OTOG: variants seen among roughly 807,000 people sequenced by gnomAD.
The protein encoded by OTOG is otogelin.
In OTOG, 296 loss-of-function variants were observed where a neutral mutation model predicts 313.8. The ratio of observed to expected loss-of-function variants is 0.94; its 90% confidence interval spans 0.86 to 1.04. OTOG has a LOEUF of 1.04. Ranked by LOEUF, OTOG falls within the 50% of genes least tolerant of loss-of-function variation. OTOG has a pLI of 0.00. For synonymous variants in OTOG, 1,533 were observed against 1,554.9 expected (o/e 0.99, Z 0.33); for missense variants, 3,948 against 3,840.1 (o/e 1.03, Z -0.74).
intron 38 of OTOG, 51 bp from the exon 39 acceptor site, chr11:17,613,561 G>A (rs1853649905): frequency 6.9e-7 from 1 of 1,439,342 alleles, no homozygotes; most frequent in Admixed American, 2.0e-5. Flanking sequence ...TCACTTGGAG[G>A]GGGACAGAGG....
chr11:17,551,282 A>AGATGACTTATGGT (rs1462941058), intron 3 of OTOG, among the ~76,000 whole-genome samples: 114 of 152,306 alleles, frequency 7.5e-4, no homozygotes, highest in South Asian at 2.1e-4. Flanking sequence ...TGTATAAGTC[A>AGATGACTTATGGT]TCTAGTCCTG....
intron 39 of OTOG, among the ~76,000 whole-genome samples, chr11:17,628,728 T>C (rs1854044066): frequency 1.3e-5 from 2 of 152,092 alleles, no homozygotes; most frequent in South Asian, 4.2e-4. Flanking sequence ...GCCCCAAGGC[T>C]GGGAATTTAG....
At chr11:17,588,563 T>C (rs1255135194) in intron 24 of OTOG, among the ~76,000 whole-genome samples, 1 of 152,132 alleles carries the variant, frequency 6.6e-6, no homozygotes. Context: ...GTGGAGTCAG[T>C]GCATGACTGA....
intron 3 of OTOG, among the ~76,000 whole-genome samples, chr11:17,551,666 G>A (rs899410373): frequency 2.0e-5 from 3 of 152,152 alleles, no homozygotes; most frequent in Non-Finnish European, 4.4e-5. Flanking sequence ...GGACATAAGG[G>A]TTTACTGGGA....
At position 17,558,640 on chromosome 11, in the gene OTOG, T is replaced by G; in HGVS notation, c.1099T>G (p.Cys367Gly). The G allele has an allele frequency of 6.5e-7, 1 of 1,549,384 alleles. No individual in the cohort carries two copies. Among genetic ancestry groups the G allele is most frequent in the Non-Finnish European group, 8.7e-7 (1 of 1,146,812 alleles). Residue 367 changes from cysteine (C) to glycine (G), a missense_variant, in exon 10 of 56, where the codon TGC becomes GGC. Transcript: ENST00000399397. ...PFTASCTSDL[C>G]QSMGDVATWC... is the part of the protein sequence containing the mutation. ...CACAGCCAGTTGTACCAGTGATCTC[T>G]GCCAGTGAGTAGGGGTGGTGTGGGC...
At position 17,633,890 on chromosome 11, in the gene OTOG, C is replaced by T; in HGVS notation, c.7267+16C>T. The T allele has an allele frequency of 6.6e-7, 1 of 1,515,700 alleles. No homozygotes were observed. Among genetic ancestry groups the T allele is most frequent in the African/African-American group, 1.4e-5 (1 of 72,602 alleles). 93.9% of individuals were successfully genotyped at this position (1,515,700 alleles called of 1,614,324 possible). Reference sequence around the variant, plus strand: ...GCCAAGTGCGGTAGGTTCCTCCCCTCCCTGAGTGGGGGGCCTCCAAAGCCA... The same window carrying T: ...GCCAAGTGCGGTAGGTTCCTCCCCTTCCTGAGTGGGGGGCCTCCAAAGCCA... On this transcript the variant is annotated intron_variant, in intron 43 of 55. Transcript: ENST00000399397.
chr11:17,615,869 G>C (rs553477592), intron 39 of OTOG, among the ~76,000 whole-genome samples: 24 of 152,154 alleles, frequency 1.6e-4, no homozygotes, highest in Middle Eastern at 3.4e-3. Flanking sequence ...CGGAGGTTGC[G>C]GTGAGCTGAG....
intron 32 of OTOG, 53 bp from the exon 33 acceptor site, chr11:17,605,804 G>A (rs1042864046): frequency 1.2e-5 from 18 of 1,479,272 alleles, no homozygotes; most frequent in East Asian, 7.5e-5. Context: ...TGCTGTTCCC[G>A]CAGCCACCTG....
rs139211526 is a variant in OTOG at position 17,612,139 on chromosome 11, C to T, written c.6124-23C>T. On this transcript the variant is annotated intron_variant, in intron 36 of 55. Transcript: ENST00000399397. ...GCTGTAGCTCCTTGATGGTCACTCA[C>T]ACTTCCTCCACTCTGTACCCAGCCA... The T allele has an allele frequency of 2.6e-4, 401 of 1,548,552 alleles. 3 individuals carry two copies. The East Asian group carries it at 8.3e-3, about 32-fold the overall frequency.
At position 17,633,849 on chromosome 11, in the gene OTOG, A is replaced by G. The variant is rs1854192952; in HGVS notation, c.7242A>G (p.Ala2414=). Residue 2414 remains alanine (A), a synonymous_variant, in exon 43 of 56, where the codon GCA becomes GCG. Coordinates refer to ENST00000399397, the MANE Select transcript of OTOG (RefSeq NM_001292063.2). ...EGTILHRRHS[A]LCIPEAKCAC... Reference sequence around the variant, plus strand: ...CCATCTTACACCGGCGCCACTCTGCACTCTGCATCCCGGAGGCCAAGTGCG... The same window carrying G: ...CCATCTTACACCGGCGCCACTCTGCGCTCTGCATCCCGGAGGCCAAGTGCG... 6.5e-7 allele frequency: 1 copy of G among 1,545,562 alleles called. No homozygotes were observed. Among genetic ancestry groups the G allele is most frequent in the South Asian group, 1.2e-5 (1 of 83,428 alleles).
At position 17,605,857 on chromosome 11, in the gene OTOG, A is replaced by G; in HGVS notation, c.3878A>G (p.Asp1293Gly). The G allele has an allele frequency of 6.5e-7, 1 of 1,539,140 alleles. No homozygotes were observed. Among genetic ancestry groups the G allele is most frequent in the Non-Finnish European group, 8.8e-7 (1 of 1,139,634 alleles). The change falls in exon 33 of 56, where the codon GAC becomes GGC. Residue 1293 changes from aspartate to glycine, a missense_variant and splice_region_variant. Transcript: ENST00000399397. Reference protein sequence around the residue: ...TAALYKAKAHDPDVVSLEAAD... With the variant: ...TAALYKAKAHGPDVVSLEAAD... Reference sequence around the variant, plus strand: ...ACTCTCCCCATGTGGTTCTCTGCAGACCCAGATGTGGTGTCCCTGGAGGCA... The same window carrying G: ...ACTCTCCCCATGTGGTTCTCTGCAGGCCCAGATGTGGTGTCCCTGGAGGCA...
intron 40 of OTOG, among the ~76,000 whole-genome samples, chr11:17,631,442 C>T (rs1404350000): frequency 6.7e-6 from 1 of 150,260 alleles, no homozygotes; most frequent in African/African-American, 2.5e-5. Flanking sequence ...TATATATATG[C>T]ATTTTTCGGA....
rs1854053830 is a variant in OTOG at position 17,629,146 on chromosome 11, T to A, written c.6542T>A (p.Leu2181Ter). The A allele has an allele frequency of 6.5e-7, 1 of 1,550,266 alleles. No individual in the cohort carries two copies. The change falls in exon 40 of 56, where the codon TTG becomes TAG. Residue 2181 changes from leucine (L) to a stop codon, truncating the protein, a stop_gained. Transcript: ENST00000399397. LOFTEE classifies it high-confidence loss of function. The stretch of plus-strand genomic sequence containing the variant: ...TTCCCTCCCAAGGTGACTGTGGACT[T>A]GCAGCCTGTGTGGCCACCGGTGAGC... ...DRFNRKVTVD[L>*]QPVWPPVSRY...
intron 35 of OTOG, 107 bp from the exon 36 acceptor site, chr11:17,609,548 A>G (rs1369059285): frequency 1.9e-6 from 2 of 1,052,782 alleles, no homozygotes; most frequent in Non-Finnish European, 2.7e-6. Context: ...CCCTCACCCC[A>G]TCACCGAGAG....
intron 22 of OTOG, among the ~76,000 whole-genome samples, chr11:17,577,802 T>TA (rs143426360): frequency 6.6e-6 from 1 of 152,148 alleles, no homozygotes; most frequent in Non-Finnish European, 1.5e-5. Context: ...TTAATTTTCC[T>TA]AAAAAAGATC....
intron 34 of OTOG, among the ~76,000 whole-genome samples, chr11:17,608,837 T>C (rs916665144): frequency 3.9e-5 from 6 of 152,110 alleles, no homozygotes; most frequent in Admixed American, 6.5e-5. Flanking sequence ...CAGAGACACA[T>C]GTGAACATGT....
chr11:17,608,618 G>T (rs576247260), intron 34 of OTOG, among the ~76,000 whole-genome samples: 1 of 152,252 alleles, frequency 6.6e-6, no homozygotes, highest in Non-Finnish European at 1.5e-5. Flanking sequence ...AGAGCCTTGC[G>T]TGTGTTTGTG....
At position 17,569,332 on chromosome 11, in the gene OTOG, T is replaced by C. The variant is rs1211811650; in HGVS notation, c.1777+44T>C. The C allele has an allele frequency of 1.6e-5, 25 of 1,547,384 alleles. No homozygotes were observed. The East Asian group carries it at 5.9e-4, about 36-fold the overall frequency. On this transcript the variant is annotated intron_variant, in intron 16 of 55. Transcript: ENST00000399397. ...AACAGACCTAGTTGGGAACTGAGGG[T>C]TTGGACCTCTCTTCCCAGGATCCTC...
At chr11:17,621,054 C>T (rs1446530086) in intron 39 of OTOG, among the ~76,000 whole-genome samples, 1 of 152,120 alleles carries the variant, frequency 6.6e-6, no homozygotes, top group South Asian at 2.1e-4. Flanking sequence ...ATTTCCTTGT[C>T]TACCGTGTGT....
Sources: allele counts gnomAD v4.1 joint callset (sites outside exome capture counted in the v4.1 genomes callset), GRCh38; gene constraint gnomAD v4.1.1; transcripts MANE v1.5; gene names NCBI Gene and HGNC (gene_info 2026-07-23, HGNC 2026-07-21).